MMP21: variants seen among roughly 807,000 people sequenced by gnomAD.
MMP21 encodes matrix metalloproteinase-21.
MMP21 carries 40 observed loss-of-function variants against 47.8 expected under a neutral mutation model. That is an observed-to-expected ratio of 0.84 (90% CI 0.65 to 1.09). The LOEUF is 1.09. MMP21 is among the 50% of genes least tolerant of loss of function. The pLI is 0.00. For synonymous variants in MMP21, 341 were observed against 318.0 expected (o/e 1.07, Z -0.77); for missense variants, 747 against 775.3 (o/e 0.96, Z 0.43).
At chr10:125,769,897 C>T (rs1471792263) in intron 5 of MMP21, among the ~76,000 whole-genome samples, 1 of 152,038 alleles carries the variant, frequency 6.6e-6, no homozygotes. Flanking sequence ...CCTGTAATCC[C>T]AACACTTTGA....
intron 1 of MMP21, among the ~76,000 whole-genome samples, chr10:125,774,701 C>G (rs1342941163): frequency 1.3e-5 from 2 of 152,148 alleles, no homozygotes; most frequent in African/African-American, 4.8e-5. Context: ...GAGACCTGGG[C>G]AGCGGGGTGG....
At chr10:125,770,151 C>CA (rs530002965) in intron 5 of MMP21, among the ~76,000 whole-genome samples, 183 bp downstream of exon 5, 171 of 151,786 alleles carry the variant, frequency 1.1e-3, no homozygotes, top group Admixed American at 2.6e-3. Flanking sequence ...GTCTCAGAAA[C>CA]AAAAAAAATG....
Position 125,766,603 on chromosome 10 carries a change from G to T in MMP21, c.*59C>A. The stretch of plus-strand genomic sequence containing the variant: ...AGCTACTGAAAATCCGGTTTTCTTT[G>T]TAAACAGTATCAGAATTTTAGCGAA... On this transcript the variant is annotated 3_prime_UTR_variant, in exon 7 of 7. Coordinates refer to ENST00000368808, the MANE Select transcript of MMP21 (RefSeq NM_147191.1). The T allele has an allele frequency of 7.1e-7, 1 of 1,417,540 alleles. No individual in the cohort carries two copies. 87.8% of individuals were successfully genotyped at this position (1,417,540 alleles called of 1,614,324 possible).
chr10:125,771,903 G>A lies in MMP21; in HGVS notation c.979+315C>T, dbSNP rs958816573. 7.7e-4 allele frequency among the ~76,000 whole-genome samples: 117 copies of A among 152,234 alleles called. 1 individual carries two copies. The highest frequency in any genetic ancestry group is 7.3e-3 in the Admixed American group (111 of 15,296). On this transcript the variant is annotated intron_variant, in intron 4 of 6. Transcript: ENST00000368808. ...AACTCCCAGGGCTTCCAGTGTGTGC[G>A]TCTCTGGTGGGATGCCACAGCACGG...
chr10:125,774,328 GC>G lies in MMP21; in HGVS notation c.199del (p.Ala67ArgfsTer43). 2 of 1,411,262 alleles carry G rather than the reference GC, an allele frequency of 1.4e-6. No individual in the cohort carries two copies. The highest frequency in any genetic ancestry group is 1.8e-6 in the Non-Finnish European group (2 of 1,090,920). The allele number at this position is 1,411,262 out of a possible 1,614,324, so 87.4% of individuals were successfully genotyped here. On this transcript the variant is annotated frameshift_variant, in exon 2 of 7. Coordinates refer to ENST00000368808, the MANE Select transcript of MMP21 (RefSeq NM_147191.1). LOFTEE classifies it high-confidence loss of function. ...CCCCTCGGGACTGGGCCCCCAGGCC[GC>G]CCACACCCCTGACCAGCCGTATCTG... ...LSRYGWSGVW[A>X]AWGPSPEGPP...
intron 6 of MMP21, 38 bp from the exon 7 acceptor site, chr10:125,766,999 T>G (rs1850394282): frequency 6.7e-7 from 1 of 1,488,190 alleles, no homozygotes; most frequent in Admixed American, 2.4e-5. Context: ...CTTCTGAAAA[T>G]TATTAATATT....
In MMP21 at chr10:125,770,368, C is replaced by T. The variant is rs137955225; in HGVS notation, c.1203G>A (p.Trp401Ter). 1.9e-4 allele frequency: 302 copies of T among 1,614,144 alleles called. No individual in the cohort carries two copies. Among genetic ancestry groups the T allele is most frequent in the Admixed American group, 6.7e-4 (40 of 60,022 alleles). The change falls in exon 5 of 7, where the codon TGG becomes TGA. Residue 401 changes from tryptophan (W) to a stop codon, truncating the protein, a stop_gained. Transcript: ENST00000368808. LOFTEE classifies it high-confidence loss of function. ...THNIDAFVHI[W>*]TWKRDERYFF... ...AATAACGTTCATCTCTTTTCCATGTCCAGATGTGAACAAAGGCATCTATGT... is the reference window on the plus strand; with the variant it reads ...AATAACGTTCATCTCTTTTCCATGTTCAGATGTGAACAAAGGCATCTATGT...
chr10:125,767,615 C>T lies in MMP21; in HGVS notation c.1327G>A (p.Gly443Arg). The change falls in exon 6 of 7, where the codon GGA becomes AGA. Residue 443 changes from glycine (G) to arginine (R), a missense_variant. Transcript: ENST00000368808. ...GKSYPKLISE[G>R]FPGIPSPLDT... ...AGGGGACTTGGGATGCCAGGAAATC[C>T]TTCTGAAATCAATTTGGGATAGCTT... is the stretch of plus-strand genomic sequence containing the variant. The T allele has an allele frequency of 6.2e-7, 1 of 1,614,166 alleles. No individual in the cohort carries two copies. Among genetic ancestry groups the T allele is most frequent in the South Asian group, 1.1e-5 (1 of 91,080 alleles).
At position 125,772,778 on chromosome 10, in the gene MMP21, CGGT is replaced by C. The variant is rs901203648; in HGVS notation, c.698-31_698-29del. 1.9e-6 allele frequency: 3 copies of C among 1,607,382 alleles called. No homozygotes were observed. In the African/African-American group the frequency reaches 4.0e-5, roughly 21 times the overall value. ...GGCGAGGGGGAGGAGGAGTTGGTCC[CGGT>C]GAAGGATGAGTGCCCCCCATACAGA... is the stretch of plus-strand genomic sequence containing the variant. On this transcript the variant is annotated intron_variant, in intron 2 of 6. Transcript: ENST00000368808. The surrounding 1 kb of genome is among the most constrained non-coding windows in gnomAD (Gnocchi z 5.6).
chr10:125,774,404 C>T, intron 1 of MMP21, 39 bp from the exon 2 acceptor site: 1 of 1,299,830 alleles, frequency 7.7e-7, no homozygotes, highest in Non-Finnish European at 9.8e-7. Flanking sequence ...GGCCGCCTCG[C>T]TCGGGGCCCT....
In MMP21 at chr10:125,767,594, G is replaced by T. The variant is rs749080544; in HGVS notation, c.1348C>A (p.Pro450Thr). The change falls in exon 6 of 7, where the codon CCC becomes ACC. Residue 450 changes from proline to threonine, a missense_variant. Physicochemically the swap from Pro to Thr is conservative, Grantham distance 38. Coordinates refer to ENST00000368808, the MANE Select transcript of MMP21 (RefSeq NM_147191.1). Reference protein sequence around the residue: ...ISEGFPGIPSPLDTAFYDRRQ... With the variant: ...ISEGFPGIPSTLDTAFYDRRQ... The stretch of plus-strand genomic sequence containing the variant: ...CGGTCATAAAACGCCGTGTCTAGGG[G>T]ACTTGGGATGCCAGGAAATCCTTCT... 9 of 1,614,052 alleles carry T rather than the reference G, an allele frequency of 5.6e-6. No individual in the cohort carries two copies. In the Admixed American group the frequency reaches 1.5e-4, roughly 27 times the overall value.
rs1850475737 is a variant in MMP21, at chr10:125,773,402, C to G, written c.697+429G>C. Reference sequence around the variant, plus strand: ...AGTGATCCTCTTCTGCTTGGTCTGCCCCTTAAAAACACTTCTGTTGCTAGA... The same window carrying G: ...AGTGATCCTCTTCTGCTTGGTCTGCGCCTTAAAAACACTTCTGTTGCTAGA... On this transcript the variant is annotated intron_variant, in intron 2 of 6. Coordinates refer to ENST00000368808, the MANE Select transcript of MMP21 (RefSeq NM_147191.1). The surrounding 1 kb of genome is among the most constrained non-coding windows in gnomAD (Gnocchi z 4.8). Among the ~76,000 whole-genome samples the G allele has an allele frequency of 6.6e-6, 1 of 151,976 alleles. No individual in the cohort carries two copies. The highest frequency in any genetic ancestry group is 6.6e-5 in the Admixed American group (1 of 15,262).
rs1277662868 is a variant in MMP21 at position 125,773,801 on chromosome 10, G to A, written c.697+30C>T. On this transcript the variant is annotated intron_variant, in intron 2 of 6. Coordinates refer to ENST00000368808, the MANE Select transcript of MMP21 (RefSeq NM_147191.1). This position sits in a 1 kb window ranked among gnomAD's most constrained non-coding sequence, Gnocchi z 4.8. The stretch of plus-strand genomic sequence containing the variant: ...GCCGGGGTCCCCGAGGGGCTGGGTC[G>A]GGCAGGCAGGGAGCCCGGGGTGCTC... The A allele has an allele frequency of 2.0e-6, 3 of 1,471,030 alleles. No individual in the cohort carries two copies. Among genetic ancestry groups the A allele is most frequent in the Admixed American group, 2.3e-5 (1 of 43,984 alleles). 91.1% of individuals were successfully genotyped at this position (1,471,030 alleles called of 1,614,324 possible). A position where few individuals can be genotyped will look rare whatever the true frequency, so the allele number is the denominator to read the frequency against.
At chr10:125,771,940 G>A (rs982068673) in intron 4 of MMP21, among the ~76,000 whole-genome samples, 19 of 152,082 alleles carry the variant, frequency 1.2e-4, no homozygotes, top group South Asian at 2.1e-4. Flanking sequence ...TTGGGGGCCC[G>A]CTTGTGTTGA....
Position 125,769,390 on chromosome 10 carries a change from C to T in MMP21, c.1237+944G>A, listed in dbSNP as rs534737279. On this transcript the variant is annotated intron_variant, in intron 5 of 6. Transcript: ENST00000368808. ...GAAGTCCAGCCCCGACCCTGGCATT[C>T]GAGGCCCTCCGTGGTTGGGCCAACC... is the stretch of plus-strand genomic sequence containing the variant. Among the ~76,000 whole-genome samples the T allele has an allele frequency of 1.4e-4, 22 of 152,338 alleles. No individual in the cohort carries two copies. The East Asian group carries it at 4.1e-3, about 28-fold the overall frequency.
In MMP21 at chr10:125,766,581, T is replaced by C. The variant is rs974128582; in HGVS notation, c.*81A>G. 9 of 1,198,630 alleles carry C rather than the reference T, an allele frequency of 7.5e-6. No individual in the cohort carries two copies. In the African/African-American group the frequency reaches 1.1e-4, roughly 14 times the overall value. The allele number at this position is 1,198,630 out of a possible 1,614,324, so 74.2% of individuals were successfully genotyped here. A position where few individuals can be genotyped will look rare whatever the true frequency, so the allele number is the denominator to read the frequency against. On this transcript the variant is annotated 3_prime_UTR_variant, in exon 7 of 7. Coordinates refer to ENST00000368808, the MANE Select transcript of MMP21 (RefSeq NM_147191.1). The stretch of plus-strand genomic sequence containing the variant: ...CTTACAGTGCCATATTTTCTTCAGC[T>C]ACTGAAAATCCGGTTTTCTTTGTAA...
In MMP21 at chr10:125,773,954, C is replaced by A; in HGVS notation, c.574G>T (p.Ala192Ser). Reference sequence around the variant, plus strand: ...AGCGCCACAATGCGCCGCTGGTCGGCCACGGACAGTTGGCTGCTCAGGGCC... The same window carrying A: ...AGCGCCACAATGCGCCGCTGGTCGGACACGGACAGTTGGCTGCTCAGGGCC... The part of the protein sequence containing the change: ...GEALSSQLSV[A>S]DQRRIVALAF... Residue 192 changes from alanine to serine, a missense_variant, in exon 2 of 7, where the codon GCC becomes TCC. Ala to Ser is a moderately conservative substitution (Grantham distance 99). Coordinates refer to ENST00000368808, the MANE Select transcript of MMP21 (RefSeq NM_147191.1). The surrounding 1 kb of genome is among the most constrained non-coding windows in gnomAD (Gnocchi z 4.8). 1 of 1,584,866 alleles carries A rather than the reference C, an allele frequency of 6.3e-7. No individual in the cohort carries two copies. Among genetic ancestry groups the A allele is most frequent in the Non-Finnish European group, 8.5e-7 (1 of 1,173,254 alleles).
rs1045926296 is a variant in MMP21, at chr10:125,773,634, C to T, written c.697+197G>A. On this transcript the variant is annotated intron_variant, in intron 2 of 6. Coordinates refer to ENST00000368808, the MANE Select transcript of MMP21 (RefSeq NM_147191.1). This position sits in a 1 kb window ranked among gnomAD's most constrained non-coding sequence, Gnocchi z 4.8. The stretch of plus-strand genomic sequence containing the variant: ...GCCCTAGTGTCCCAGTAGGCCACAC[C>T]AGGCTATCTGCAGGGTGACCATGAT... Among the ~76,000 whole-genome samples, 9 of 151,992 alleles carry T rather than the reference C, an allele frequency of 5.9e-5. No homozygotes were observed. The highest frequency in any genetic ancestry group is 2.2e-4 in the African/African-American group (9 of 41,404).
At position 125,767,622 on chromosome 10, in the gene MMP21, A is replaced by T. The variant is rs1441429026; in HGVS notation, c.1320T>A (p.Ile440=). ...DEQGKSYPKL[I]SEGFPGIPSP... is the part of the protein sequence containing the mutation. ...TTGGGATGCCAGGAAATCCTTCTGA[A>T]ATCAATTTGGGATAGCTTTTTCCTT... The change falls in exon 6 of 7, where the codon ATT becomes ATA. Residue 440 remains isoleucine (I), a synonymous_variant. Coordinates refer to ENST00000368808, the MANE Select transcript of MMP21 (RefSeq NM_147191.1). 1 of 1,614,040 alleles carries T rather than the reference A, an allele frequency of 6.2e-7. No homozygotes were observed. Among genetic ancestry groups the T allele is most frequent in the Non-Finnish European group, 8.5e-7 (1 of 1,180,026 alleles).
Sources: allele counts gnomAD v4.1 joint callset (sites outside exome capture counted in the v4.1 genomes callset), GRCh38; gene constraint gnomAD v4.1.1; non-coding constraint Gnocchi (gnomAD v3.1); transcripts MANE v1.5; gene names NCBI Gene and HGNC (gene_info 2026-07-23, HGNC 2026-07-21).